Variants in PPP2R2A observed in about 807,000 individuals in gnomAD.
PPP2R2A encodes protein phosphatase 2 regulatory subunit Balpha, also known as serine/threonine-protein phosphatase 2A 55 kDa regulatory subunit B alpha isoform.
PPP2R2A carries 9 observed loss-of-function variants against 53.2 expected under a neutral mutation model. The ratio of observed to expected loss-of-function variants is 0.17; its 90% CI spans 0.10 to 0.30. The LOEUF (loss-of-function observed/expected upper bound fraction) is 0.30. Among genes scored for constraint, PPP2R2A ranks in the 10% least tolerant of loss-of-function variants. PPP2R2A has a pLI of 1.00. For synonymous variants in PPP2R2A, 169 were observed against 174.2 expected (o/e 0.97, Z 0.23); for missense variants, 235 against 534.6 (o/e 0.44, Z 5.53).
Position 26,292,468 on chromosome 8 carries a change from TA to T in PPP2R2A, c.7+645del, listed in dbSNP as rs1801344349. The T allele has an allele frequency of 8.2e-6, 8 of 980,880 alleles. No individual in the cohort carries two copies. In the South Asian group the frequency reaches 2.8e-4, roughly 35 times the overall value. 60.8% of individuals were successfully genotyped at this position (980,880 alleles called of 1,614,324 possible). A position where few individuals can be genotyped will look rare whatever the true frequency, so the allele number is the denominator to read the frequency against. On this transcript the variant is annotated intron_variant, in intron 1 of 9. Coordinates refer to ENST00000380737, the MANE Select transcript of PPP2R2A (RefSeq NM_002717.4). ...TACAGCAAGTTGCATGAAAATAATT[TA>T]AACTTTGCGTTTAGCATGTTAGCTT...
chr8:26,330,088 A>C (rs146149169), intron 2 of PPP2R2A, among the ~76,000 whole-genome samples: 555 of 152,232 alleles, frequency 3.6e-3, no homozygotes, highest in African/African-American at 0.013. Flanking sequence ...ATGTTATCCC[A>C]CAGGTCAGGT....
chr8:26,323,010 C>T (rs1802916038), intron 2 of PPP2R2A, among the ~76,000 whole-genome samples: 2 of 152,188 alleles, frequency 1.3e-5, no homozygotes, highest in South Asian at 4.1e-4. Flanking sequence ...CTTTTAAAAA[C>T]ACGGTCTTTG....
Position 26,319,667 on chromosome 8 carries a change from A to G in PPP2R2A, c.83-19223A>G, listed in dbSNP as rs563128639. 2.6e-5 allele frequency among the ~76,000 whole-genome samples: 4 copies of G among 152,218 alleles called. No homozygotes were observed. In the South Asian group the frequency reaches 6.2e-4, roughly 24 times the overall value. ...CAGCCTTGTCCAAAATCATTTGACC[A>G]TATGTGCAGGGGTTTACTTCTGAGC... On this transcript the variant is annotated intron_variant, in intron 2 of 9. Coordinates refer to ENST00000380737, the MANE Select transcript of PPP2R2A (RefSeq NM_002717.4).
rs779731722 is a variant in PPP2R2A at position 26,370,139 on chromosome 8, T to G, written c.1070T>G (p.Val357Gly). Residue 357 changes from valine (V) to glycine (G), a missense_variant, in exon 10 of 10, where the codon GTC (valine) becomes GGC (glycine). This residue lies in a region of PPP2R2A where 181 missense variants were observed against 409.9 expected (regional missense o/e 0.44). Transcript: ENST00000380737. The surrounding 1 kb of genome is among the most constrained non-coding windows in gnomAD (Gnocchi z 6.1). ...TGTACTGTCTATTTTCACAGTGTTG[T>G]CATGACTGGATCTTACAATAATTTC... Reference protein sequence around the residue: ...ECCWNGSDSVVMTGSYNNFFR... With the variant: ...ECCWNGSDSVGMTGSYNNFFR... 1 of 1,613,850 alleles carries G rather than the reference T, an allele frequency of 6.2e-7. No individual in the cohort carries two copies. The highest frequency in any genetic ancestry group is 1.1e-5 in the South Asian group (1 of 91,058).
At chr8:26,347,126 A>G (rs960705595) in intron 3 of PPP2R2A, among the ~76,000 whole-genome samples, 1 of 152,058 alleles carries the variant, frequency 6.6e-6, no homozygotes, top group South Asian at 2.1e-4. Flanking sequence ...GGATTGTTAT[A>G]TTTTATGAAC....
intron 2 of PPP2R2A, among the ~76,000 whole-genome samples, chr8:26,309,273 C>CCT (rs1459792092): frequency 6.6e-6 from 1 of 152,146 alleles, no homozygotes; most frequent in African/African-American, 2.4e-5. Context: ...TCTCCTTGTC[C>CCT]CTCTCTATCA....
intron 2 of PPP2R2A, among the ~76,000 whole-genome samples, chr8:26,333,782 A>G (rs1585370723): frequency 6.6e-6 from 1 of 152,204 alleles, no homozygotes; most frequent in South Asian, 2.1e-4. Context: ...AAACGGCCTT[A>G]TGAAGTAAAA....
chr8:26,300,538 G>A (rs551641222), intron 2 of PPP2R2A, among the ~76,000 whole-genome samples: 4 of 152,112 alleles, frequency 2.6e-5, no homozygotes, highest in Non-Finnish European at 5.9e-5. Flanking sequence ...TATCCATAAG[G>A]TGCTTCCTCA....
chr8:26,337,998 A>G (rs1207118008), intron 2 of PPP2R2A, among the ~76,000 whole-genome samples: 2 of 152,226 alleles, frequency 1.3e-5, no homozygotes, highest in Non-Finnish European at 2.9e-5. Context: ...AATTCTTAAC[A>G]GTGAGCTTCT....
rs574896296 is a variant in PPP2R2A, at chr8:26,327,086, G to T, written c.83-11804G>T. ...TGTGGACCCTGAGAATGTGTTACAG[G>T]TGTGCCAAGATCCTTCAGCCCTTGG... On this transcript the variant is annotated intron_variant, in intron 2 of 9. Coordinates refer to ENST00000380737, the MANE Select transcript of PPP2R2A (RefSeq NM_002717.4). Among the ~76,000 whole-genome samples the T allele has an allele frequency of 5.8e-4, 89 of 152,338 alleles. 3 individuals are homozygous for T. In the South Asian group the frequency reaches 0.016, roughly 27 times the overall value.
intron 2 of PPP2R2A, among the ~76,000 whole-genome samples, chr8:26,329,591 C>T (rs1472137430): frequency 2.0e-5 from 3 of 152,160 alleles, no homozygotes; most frequent in Non-Finnish European, 2.9e-5. Flanking sequence ...AGGCATGGGT[C>T]AAGTATGCTA....
At position 26,332,199 on chromosome 8, in the gene PPP2R2A, C is replaced by CA. The variant is rs879413637; in HGVS notation, c.83-6680dup. Among the ~76,000 whole-genome samples, 206 of 144,770 alleles carry CA rather than the reference C, an allele frequency of 1.4e-3. 1 individual carries two copies. The highest frequency in any genetic ancestry group is 5.2e-3 in the South Asian group (24 of 4,588). 95.0% of individuals were successfully genotyped at this position (144,770 alleles called of 152,430 possible). On this transcript the variant is annotated intron_variant, in intron 2 of 9. Coordinates refer to ENST00000380737, the MANE Select transcript of PPP2R2A (RefSeq NM_002717.4). Reference sequence around the variant, plus strand: ...TGAAAGCCTGTCTCTACTAAAAATACAAAAAAAAAAATTAGCTGGGTGTAG... The same window carrying CA: ...TGAAAGCCTGTCTCTACTAAAAATACAAAAAAAAAAAATTAGCTGGGTGTAG...
chr8:26,322,038 T>C (rs1802866867), intron 2 of PPP2R2A, among the ~76,000 whole-genome samples: 1 of 152,224 alleles, frequency 6.6e-6, no homozygotes, highest in Non-Finnish European at 1.5e-5. Context: ...CAGTAGGTAC[T>C]GTAAAAGAAG....
intron 2 of PPP2R2A, chr8:26,333,528 C>A: frequency 8.2e-7 from 1 of 1,217,024 alleles, no homozygotes; most frequent in South Asian, 1.4e-5. Context: ...ATTATGAAAT[C>A]AAAGAGTGAC....
At chr8:26,350,974 A>G (rs1229261767) in intron 3 of PPP2R2A, among the ~76,000 whole-genome samples, 1 of 152,160 alleles carries the variant, frequency 6.6e-6, no homozygotes, top group Non-Finnish European at 1.5e-5. Flanking sequence ...CAATATAGCA[A>G]GACCTCATCT....
intron 2 of PPP2R2A, among the ~76,000 whole-genome samples, chr8:26,308,122 A>G (rs529640883): frequency 6.6e-6 from 1 of 152,388 alleles, no homozygotes; most frequent in African/African-American, 2.4e-5. Flanking sequence ...AACAGTGTAC[A>G]TGACAATTAA....
intron 3 of PPP2R2A, among the ~76,000 whole-genome samples, chr8:26,351,283 GTTC>G (rs1804490772): frequency 6.6e-6 from 1 of 151,854 alleles, no homozygotes; most frequent in African/African-American, 2.4e-5. Context: ...AGTTGAGTCT[GTTC>G]TCTCTCCCCT....
rs919651553 is a variant in PPP2R2A, at chr8:26,321,422, T to C, written c.83-17468T>C. Among the ~76,000 whole-genome samples, 5 of 152,214 alleles carry C rather than the reference T, an allele frequency of 3.3e-5. No homozygotes were observed. Among genetic ancestry groups the C allele is most frequent in the Non-Finnish European group, 5.9e-5 (4 of 68,040 alleles). On this transcript the variant is annotated intron_variant, in intron 2 of 9. Transcript: ENST00000380737. This position sits in a 1 kb window ranked among gnomAD's most constrained non-coding sequence, Gnocchi z 4.1. ...AGTGATCCCTGGCTTCTGGTATTTA[T>C]GTCTCTGTGTAACCTTGTCCCTTTG...
At chr8:26,306,172 C>CAA (rs34167453) in intron 2 of PPP2R2A, among the ~76,000 whole-genome samples, 5 of 135,092 alleles carry the variant, frequency 3.7e-5, no homozygotes, top group Admixed American at 7.2e-5. Context: ...GACTCCATCT[C>CAA]AAAAAAAAAA....
Sources: gnomAD v4.1 joint callset for allele counts (sites outside exome capture counted in the v4.1 genomes callset) on GRCh38, gnomAD v4.1.1 for gene constraint, gnomAD v4.1.1 regional missense constraint, Gnocchi (gnomAD v3.1) non-coding constraint, MANE v1.5 for transcripts, NCBI Gene and HGNC (gene_info 2026-07-23, HGNC 2026-07-21) for gene names.